PAPSS1: variants seen among roughly 807,000 people sequenced by gnomAD.
PAPSS1 encodes 3'-phosphoadenosine 5'-phosphosulfate synthase 1, also known as bifunctional 3'-phosphoadenosine 5'-phosphosulfate synthase 1.
In PAPSS1, 50 loss-of-function variants were observed where a neutral mutation model predicts 72.0. The ratio of observed to expected loss-of-function variants is 0.69; its 90% CI spans 0.55 to 0.88. PAPSS1 has a LOEUF of 0.88. Ranked by LOEUF, PAPSS1 falls within the 40% of genes least tolerant of loss-of-function variation. The pLI, the probability that PAPSS1 is intolerant of heterozygous loss-of-function variation, is 0.00. For synonymous variants in PAPSS1, 261 were observed against 263.6 expected, an observed-to-expected ratio of 0.99 and a Z score of 0.09; for missense variants, 657 against 782.2, an observed-to-expected ratio of 0.84 and a Z score of 1.91.
At chr4:107,655,979 T>C (rs969468642) in intron 7 of PAPSS1, among the ~76,000 whole-genome samples, 2 of 152,224 alleles carry the variant, frequency 1.3e-5, no homozygotes, top group Admixed American at 6.5e-5. Flanking sequence ...AAAAACTTGG[T>C]AGCAATTATA....
Position 107,614,271 on chromosome 4 carries a change from T to A in PAPSS1, c.1853A>T (p.Tyr618Phe). The change falls in exon 12 of 12, where the codon TAC becomes TTC. Residue 618 changes from tyrosine (Y) to phenylalanine (F), a missense_variant. By Grantham distance (22) the Tyr-to-Phe change is conservative (BLOSUM62 3). This residue lies in a region of PAPSS1 where 103 missense variants were observed against 93.8 expected (regional missense o/e 1.10). Transcript: ENST00000265174. ...AGCCTAAGCTTTCTCCAAGGATTTG[T>A]AGTATTCTGTCAGCACGGTCCAAGC... ...PKAWTVLTEY[Y>F]KSLEKA 6.2e-7 allele frequency: 1 copy of A among 1,613,802 alleles called. No homozygotes were observed. Among genetic ancestry groups the A allele is most frequent in the African/African-American group, 1.3e-5 (1 of 75,036 alleles).
chr4:107,706,382 T>A (rs1308937062), intron 1 of PAPSS1, among the ~76,000 whole-genome samples: 1 of 152,196 alleles, frequency 6.6e-6, no homozygotes, highest in Non-Finnish European at 1.5e-5. Context: ...ACAATTATTT[T>A]GCTTGATCAG....
At chr4:107,662,767 A>G (rs1192482332) in intron 5 of PAPSS1, among the ~76,000 whole-genome samples, 3 of 152,188 alleles carry the variant, frequency 2.0e-5, no homozygotes, top group African/African-American at 7.2e-5. Context: ...AGATATGGTT[A>G]TCACTGTCAT....
chr4:107,710,835 G>C lies in PAPSS1; in HGVS notation c.60+9285C>G, dbSNP rs111489294. Among the ~76,000 whole-genome samples, 703 of 152,342 alleles carry C rather than the reference G, an allele frequency of 4.6e-3. 4 individuals are homozygous for C. The highest frequency in any genetic ancestry group is 0.016 in the African/African-American group (669 of 41,586). On this transcript the variant is annotated intron_variant, in intron 1 of 11. Transcript: ENST00000265174. The stretch of plus-strand genomic sequence containing the variant: ...TCTCTCTCTCCTTCTCTGGGTGCAA[G>C]CGCACCCATACAATGTCAGCAGGGC...
chr4:107,615,712 A>C (rs1348084164), intron 11 of PAPSS1, among the ~76,000 whole-genome samples: 5 of 152,192 alleles, frequency 3.3e-5, no homozygotes, highest in African/African-American at 1.2e-4. Context: ...ATGATAAATA[A>C]AATAACCAGG....
intron 11 of PAPSS1, 62 bp from the exon 12 acceptor site, chr4:107,614,449 C>T (rs1182051700): frequency 7.5e-7 from 1 of 1,330,302 alleles, no homozygotes; most frequent in Non-Finnish European, 1.1e-6. Context: ...TTTTAAAAAG[C>T]ATTTGTTCCT....
intron 5 of PAPSS1, among the ~76,000 whole-genome samples, chr4:107,670,990 T>C (rs533370868): frequency 5.9e-5 from 9 of 152,332 alleles, no homozygotes; most frequent in South Asian, 2.1e-4. Flanking sequence ...ACTGGAGTTG[T>C]GGTAACCAGT....
In PAPSS1 at chr4:107,654,861, G is replaced by A. The variant is rs372068591; in HGVS notation, c.935C>T (p.Ala312Val). Residue 312 changes from alanine (A) to valine (V), a missense_variant, in exon 8 of 12, where the codon GCG becomes GTG. Physicochemically the swap from Ala to Val is moderately conservative, Grantham distance 64. Coordinates refer to ENST00000265174, the MANE Select transcript of PAPSS1 (RefSeq NM_005443.5). ...INLSVPIVLT[A>V]THEDKERLDG... Reference sequence around the variant, plus strand: ...CAGCCTCTCTTTATCTTCATGAGTCGCAGTCAGAACTATAGGTACTGACAA... The same window carrying A: ...CAGCCTCTCTTTATCTTCATGAGTCACAGTCAGAACTATAGGTACTGACAA... 79 of 1,613,716 alleles carry A rather than the reference G, an allele frequency of 4.9e-5. No homozygotes were observed. In the South Asian group the frequency reaches 6.7e-4, roughly 14 times the overall value.
At chr4:107,640,486 T>C (rs891373145) in intron 10 of PAPSS1, among the ~76,000 whole-genome samples, 1 of 152,186 alleles carries the variant, frequency 6.6e-6, no homozygotes, top group South Asian at 2.1e-4. Flanking sequence ...TATTTTATTA[T>C]TATTAGTTGG....
intron 4 of PAPSS1, among the ~76,000 whole-genome samples, chr4:107,684,790 C>A (rs1722729269): frequency 6.8e-6 from 1 of 147,878 alleles, no homozygotes; most frequent in South Asian, 2.1e-4. Context: ...TCATGCCTCT[C>A]TAAAATGTAT....
intron 1 of PAPSS1, among the ~76,000 whole-genome samples, chr4:107,701,992 A>G (rs1723216210): frequency 7.0e-6 from 1 of 143,452 alleles, no homozygotes; most frequent in Non-Finnish European, 1.5e-5. Context: ...AAAAAAAAAA[A>G]GCATAAAATT....
At chr4:107,707,858 A>T (rs1480995862) in intron 1 of PAPSS1, among the ~76,000 whole-genome samples, 2 of 152,224 alleles carry the variant, frequency 1.3e-5, no homozygotes, top group East Asian at 3.9e-4. Context: ...CAATACACAG[A>T]TTTGACTTTT....
chr4:107,673,945 C>G (rs1727568201), intron 5 of PAPSS1, among the ~76,000 whole-genome samples: 1 of 152,094 alleles, frequency 6.6e-6, no homozygotes. Context: ...TGCAGCCAAA[C>G]TAAGCTTCAT....
chr4:107,679,479 T>C (rs1317213698), intron 5 of PAPSS1, among the ~76,000 whole-genome samples: 2 of 151,998 alleles, frequency 1.3e-5, no homozygotes, highest in Non-Finnish European at 2.9e-5. Flanking sequence ...AGTAACAGTA[T>C]GACAGAAAAT....
At chr4:107,614,522 A>C in intron 11 of PAPSS1, 135 bp from the exon 12 acceptor site, 2 of 607,812 alleles carry the variant, frequency 3.3e-6, no homozygotes, top group Non-Finnish European at 2.7e-6. Context: ...GTGAATATAA[A>C]TCTCATTTCA....
chr4:107,691,381 A>T (rs2110341388), intron 3 of PAPSS1, among the ~76,000 whole-genome samples: 1 of 152,282 alleles, frequency 6.6e-6, no homozygotes, highest in African/African-American at 2.4e-5. Flanking sequence ...GTGCTGGACA[A>T]GGCCACAGCA....
Position 107,631,635 on chromosome 4 carries a change from CAG to C in PAPSS1, c.1730_1731del (p.Ser577Ter). On this transcript the variant is annotated frameshift_variant, in exon 11 of 12. Coordinates refer to ENST00000265174, the MANE Select transcript of PAPSS1 (RefSeq NM_005443.5). LOFTEE classifies it high-confidence loss of function. ...TACAGAGAATGTAAGACTTACTGTT[CAG>C]AGTCATAGTAGTCCATACGCTTCTT... ...KKKKRMDYYD[S>X]EHHEDFEFIS... 1 of 1,605,234 alleles carries C rather than the reference CAG, an allele frequency of 6.2e-7. No homozygotes were observed. Among genetic ancestry groups the C allele is most frequent in the Non-Finnish European group, 8.5e-7 (1 of 1,172,210 alleles).
At chr4:107,643,083 G>A (rs534755834) in intron 10 of PAPSS1, among the ~76,000 whole-genome samples, 66 of 152,264 alleles carry the variant, frequency 4.3e-4, no homozygotes, top group African/African-American at 1.4e-3. Context: ...ACAGCACCAA[G>A]AATGAACAAT....
chr4:107,631,960 A>G, intron 10 of PAPSS1, 100 bp from the exon 11 acceptor site: 4 of 769,124 alleles, frequency 5.2e-6, no homozygotes, highest in Non-Finnish European at 8.1e-6. Flanking sequence ...TAAAATCATT[A>G]TCGGTAGGAA....
Sources: allele counts gnomAD v4.1 joint callset (sites outside exome capture counted in the v4.1 genomes callset), GRCh38; gene constraint gnomAD v4.1.1; regional missense constraint gnomAD v4.1.1; transcripts MANE v1.5; gene names NCBI Gene and HGNC (gene_info 2026-07-23, HGNC 2026-07-21).